Variants in MYO5B observed in about 807,000 individuals in gnomAD.
MYO5B encodes unconventional myosin-Vb.
A neutral mutation model predicts 229.3 loss-of-function variants in MYO5B; 143 were observed. The ratio of observed to expected loss-of-function variants is 0.62; its 90% CI spans 0.54 to 0.72. MYO5B has a LOEUF of 0.72. Ranked by LOEUF, MYO5B falls within the 30% of genes least tolerant of loss-of-function variation. MYO5B has a pLI of 0.00. For synonymous variants in MYO5B, 918 were observed against 885.2 expected (o/e 1.04, Z -0.66); for missense variants, 2,321 against 2,331.0 (o/e 1.00, Z 0.09).
intron 20 of MYO5B, among the ~76,000 whole-genome samples, chr18:49,903,990 G>C (rs925161084): frequency 1.3e-5 from 2 of 152,390 alleles, no homozygotes; most frequent in Non-Finnish European, 2.9e-5. Context: ...CCTCAAGTGT[G>C]AATGAGCCCT....
At chr18:50,013,258 G>T (rs1483793435) in intron 4 of MYO5B, among the ~76,000 whole-genome samples, 1 of 152,140 alleles carries the variant, frequency 6.6e-6, no homozygotes, top group East Asian at 1.9e-4. Flanking sequence ...TAAAATTGAA[G>T]AATACTACCC....
chr18:49,898,928 C>T (rs1447857940), intron 21 of MYO5B, among the ~76,000 whole-genome samples: 1 of 152,140 alleles, frequency 6.6e-6, no homozygotes, highest in African/African-American at 2.4e-5. Context: ...AGAGCACAGT[C>T]TGGGGATAGG....
At chr18:50,188,675 T>C (rs1205634798) in intron 1 of MYO5B, among the ~76,000 whole-genome samples, 2 of 151,074 alleles carry the variant, frequency 1.3e-5, no homozygotes, top group African/African-American at 4.9e-5. Flanking sequence ...TAGTCCCAGA[T>C]ACTCAGGAGG....
intron 1 of MYO5B, among the ~76,000 whole-genome samples, chr18:50,089,477 C>T (rs1473082660): frequency 6.6e-6 from 1 of 151,874 alleles, no homozygotes; most frequent in African/African-American, 2.4e-5. Flanking sequence ...GTGGCTCATG[C>T]CTGTAATCTC....
chr18:50,001,644 A>AGCGAGAGT (rs1331755027), intron 4 of MYO5B, among the ~76,000 whole-genome samples: 1 of 152,184 alleles, frequency 6.6e-6, no homozygotes, highest in East Asian at 1.9e-4. Flanking sequence ...TATGGCCTAG[A>AGCGAGAGT]GCGAGAGTGG....
intron 18 of MYO5B, among the ~76,000 whole-genome samples, chr18:49,911,741 A>G (rs982876814): frequency 2.0e-5 from 3 of 152,298 alleles, no homozygotes; most frequent in East Asian, 1.9e-4. Flanking sequence ...TCTGTGTGTC[A>G]GTATACTTTA....
intron 1 of MYO5B, among the ~76,000 whole-genome samples, chr18:50,146,990 C>T (rs1488391848): frequency 6.6e-6 from 1 of 152,164 alleles, no homozygotes; most frequent in African/African-American, 2.4e-5. Context: ...CTTTCCCTGT[C>T]CCATAAGGAG....
chr18:49,865,680 G>T (rs1404004905), intron 27 of MYO5B, among the ~76,000 whole-genome samples: 1 of 152,160 alleles, frequency 6.6e-6, no homozygotes, highest in Non-Finnish European at 1.5e-5. Context: ...GGTGGCTAAG[G>T]TTTCCTCCAG....
chr18:49,908,029 C>T (rs142743850), intron 18 of MYO5B, among the ~76,000 whole-genome samples: 6 of 152,218 alleles, frequency 3.9e-5, no homozygotes, highest in Non-Finnish European at 8.8e-5. Context: ...AGCCAAAGCA[C>T]GGTAGCTAAG....
chr18:49,946,365 C>T (rs1319175115), intron 14 of MYO5B: 2 of 152,154 alleles, frequency 1.3e-5, no homozygotes, highest in East Asian at 1.9e-4. Context: ...AGCTCAGGCA[C>T]GTTCAGGGTG....
chr18:49,928,426 C>G (rs1180674454), intron 17 of MYO5B, among the ~76,000 whole-genome samples: 1 of 152,182 alleles, frequency 6.6e-6, no homozygotes, highest in East Asian at 1.9e-4. Context: ...GGTGGATCAC[C>G]TGAGGTCAGG....
intron 4 of MYO5B, among the ~76,000 whole-genome samples, chr18:50,019,012 T>C (rs2026246250): frequency 6.6e-6 from 1 of 152,164 alleles, no homozygotes; most frequent in African/African-American, 2.4e-5. Context: ...GGACTTCACT[T>C]TTTGAAGGAA....
intron 28 of MYO5B, 90 bp from the exon 29 acceptor site, chr18:49,863,417 G>A (rs1305214293): frequency 8.0e-6 from 9 of 1,118,628 alleles, no homozygotes; most frequent in Non-Finnish European, 2.7e-6. Flanking sequence ...CATGCCTTTG[G>A]GAAAAGACAA....
intron 1 of MYO5B, among the ~76,000 whole-genome samples, chr18:50,135,170 T>C (rs1425885253): frequency 6.6e-6 from 1 of 152,212 alleles, no homozygotes; most frequent in African/African-American, 2.4e-5. Flanking sequence ...CTCATATTCC[T>C]GAGACCATCT....
In MYO5B at chr18:50,093,330, C is replaced by CA. The variant is rs1370545526; in HGVS notation, c.28-37953dup. 2.6e-5 allele frequency among the ~76,000 whole-genome samples: 4 copies of CA among 152,230 alleles called. No individual in the cohort carries two copies. The South Asian group carries it at 8.3e-4, about 32-fold the overall frequency. ...TGCAGAATGGATGAACCCTCGAGAG[C>CA]AACTTGATCCAGTCATGCCAAGTCT... On this transcript the variant is annotated intron_variant, in intron 1 of 39. Transcript: ENST00000285039.
At chr18:49,842,965 T>C (rs1439215924) in intron 34 of MYO5B, among the ~76,000 whole-genome samples, 2 of 152,220 alleles carry the variant, frequency 1.3e-5, no homozygotes, top group African/African-American at 4.8e-5. Context: ...CCAAGGCTTC[T>C]GTAAGCACTG....
At chr18:49,881,833 C>T (rs1787566) in intron 22 of MYO5B, among the ~76,000 whole-genome samples, 128,275 of 151,242 alleles carry the variant, frequency 0.85, 54,482 homozygotes, top group East Asian at 0.95. Flanking sequence ...GAAGAAAGTT[C>T]TTAAAAAATG....
chr18:49,848,238 G>A lies in MYO5B; in HGVS notation c.4316-949C>T, dbSNP rs2024154648. On this transcript the variant is annotated intron_variant, in intron 32 of 39. Transcript: ENST00000285039. ...AGGCACCAAGCCAGGAGTGTGTGATGTGGGTGCTGGTGGTGATGGGCTGGA... is the reference window on the plus strand; with the variant it reads ...AGGCACCAAGCCAGGAGTGTGTGATATGGGTGCTGGTGGTGATGGGCTGGA... 3.3e-5 allele frequency among the ~76,000 whole-genome samples: 5 copies of A among 152,320 alleles called. No individual in the cohort carries two copies. In the South Asian group the frequency reaches 1.0e-3, roughly 32 times the overall value.
chr18:50,078,042 A>G (rs1043219200), intron 1 of MYO5B, among the ~76,000 whole-genome samples: 2 of 152,250 alleles, frequency 1.3e-5, no homozygotes, highest in African/African-American at 2.4e-5. Flanking sequence ...AGATGACAAC[A>G]CAGAAGCTAG....
Sources: allele counts gnomAD v4.1 joint callset (sites outside exome capture counted in the v4.1 genomes callset), GRCh38; gene constraint gnomAD v4.1.1; transcripts MANE v1.5; gene names NCBI Gene and HGNC (gene_info 2026-07-23, HGNC 2026-07-21).